The following GPR27 variants were observed in gnomAD, a reference collection of about 807,000 sequenced individuals.
The protein encoded by GPR27 is G protein-coupled receptor 27.
In GPR27, 3 loss-of-function variants were observed where a neutral mutation model predicts 2.4. The ratio of observed to expected loss-of-function variants is 1.23; its 90% confidence interval spans 0.56 to 3.18. The LOEUF (loss-of-function observed/expected upper bound fraction) is 3.18, where lower values mean the gene tolerates loss of function less well. GPR27 is among the 30% of genes most tolerant of loss of function. GPR27 has a pLI of 0.03. For missense variants in GPR27, 526 were observed against 566.1 expected (o/e 0.93, Z 0.72); for synonymous variants, 367 against 296.4 (o/e 1.24, Z -2.45).
Position 71,754,120 on chromosome 3 carries a change from C to G in GPR27, c.71C>G (p.Thr24Arg). 7.0e-7 allele frequency: 1 copy of G among 1,428,770 alleles called. No homozygotes were observed. Among genetic ancestry groups the G allele is most frequent in the South Asian group, 1.3e-5 (1 of 79,546 alleles). The allele number at this position is 1,428,770 out of a possible 1,614,324, so 88.5% of individuals were successfully genotyped here. Residue 24 changes from threonine to arginine, a missense_variant, in exon 1 of 1, where the codon ACG becomes AGG. Transcript: ENST00000304411. The surrounding 1 kb of genome is among the most constrained non-coding windows in gnomAD (Gnocchi z 5.8). ...GCCGCCCTGGGCCTCAAGCTGGCCACGCTCAGCCTGCTGCTGTGCGTGAGC... is the reference window on the plus strand; with the variant it reads ...GCCGCCCTGGGCCTCAAGCTGGCCAGGCTCAGCCTGCTGCTGTGCGTGAGC... ...EAAALGLKLATLSLLLCVSLA... is the reference protein window; with the variant it reads ...EAAALGLKLARLSLLLCVSLA...
rs1417759497 is a variant in GPR27, at chr3:71,754,512, G to T, written c.463G>T (p.Ala155Ser). 3.1e-6 allele frequency: 4 copies of T among 1,293,368 alleles called. No homozygotes were observed. In the African/African-American group the frequency reaches 6.2e-5, roughly 20 times the overall value. The allele number at this position is 1,293,368 out of a possible 1,614,324, so 80.1% of individuals were successfully genotyped here. The change falls in exon 1 of 1, where the codon GCC becomes TCC. Residue 155 changes from alanine to serine, a missense_variant. Physicochemically the swap from Ala to Ser is moderately conservative, Grantham distance 99. Around this residue, in one of 3 missense-constraint regions of GPR27, gnomAD observed 312 missense variants for 318.4 expected, o/e 0.98. Transcript: ENST00000304411. The surrounding 1 kb of genome is among the most constrained non-coding windows in gnomAD (Gnocchi z 5.8). ...CAAWALALAA[A>S]FPPVLDGGGD... ...CGCCTGGGCGCTGGCGCTGGCCGCG[G>T]CCTTCCCGCCAGTGCTGGACGGCGG... is the stretch of plus-strand genomic sequence containing the variant.
chr3:71,754,604 CT>C lies in GPR27; in HGVS notation c.557del (p.Phe186SerfsTer135). Reference protein sequence around the residue: ...RPDGAPGALGFLLLLAVVVGA... With the variant: ...RPDGAPGALGXLLLLAVVVGA... ...CCGACGGCGCCCCCGGCGCGCTGGG[CT>C]TCCTGCTGCTGCTGGCCGTGGTGGT... On this transcript the variant is annotated frameshift_variant, in exon 1 of 1. Coordinates refer to ENST00000304411, the MANE Select transcript of GPR27 (RefSeq NM_018971.3). LOFTEE classifies it low-confidence loss of function (END_TRUNC). This position sits in a 1 kb window ranked among gnomAD's most constrained non-coding sequence, Gnocchi z 5.8. 6.9e-7 allele frequency: 1 copy of C among 1,444,306 alleles called. No homozygotes were observed. The highest frequency in any genetic ancestry group is 9.1e-7 in the Non-Finnish European group (1 of 1,100,722). The allele number at this position is 1,444,306 out of a possible 1,614,324, so 89.5% of individuals were successfully genotyped here. A position where few individuals can be genotyped will look rare whatever the true frequency, so the allele number is the denominator to read the frequency against.
rs1676225789 is a variant in GPR27 at position 71,755,234 on chromosome 3, A to G, written c.*57A>G. ...GCCTTTCCCTTTGGCTCGGACGGTGACGTTGTATCTTTTCCTTCTGGCCCC... is the reference window on the plus strand; with the variant it reads ...GCCTTTCCCTTTGGCTCGGACGGTGGCGTTGTATCTTTTCCTTCTGGCCCC... On this transcript the variant is annotated 3_prime_UTR_variant, in exon 1 of 1. Transcript: ENST00000304411. 6 of 1,348,564 alleles carry G rather than the reference A, an allele frequency of 4.4e-6. No homozygotes were observed. Among genetic ancestry groups the G allele is most frequent in the African/African-American group, 1.5e-5 (1 of 68,662 alleles). 83.5% of individuals were successfully genotyped at this position (1,348,564 alleles called of 1,614,324 possible). A position where few individuals can be genotyped will look rare whatever the true frequency, so the allele number is the denominator to read the frequency against.
Position 71,755,471 on chromosome 3 carries a change from C to G in GPR27, c.*294C>G. On this transcript the variant is annotated 3_prime_UTR_variant, in exon 1 of 1. Coordinates refer to ENST00000304411, the MANE Select transcript of GPR27 (RefSeq NM_018971.3). ...ACGTCTTTTATTCCATGTGTGGTTC[C>G]TTTTTTTCTTTTTCTATAAAGGCTG... 2.8e-6 allele frequency: 1 copy of G among 363,520 alleles called. No individual in the cohort carries two copies. Among genetic ancestry groups the G allele is most frequent in the Non-Finnish European group, 5.0e-6 (1 of 201,760 alleles). 22.5% of individuals were successfully genotyped at this position (363,520 alleles called of 1,614,324 possible). A position where few individuals can be genotyped will look rare whatever the true frequency, so the allele number is the denominator to read the frequency against.
At position 71,755,524 on chromosome 3, in the gene GPR27, TAA is replaced by T. The variant is rs2049993712; in HGVS notation, c.*349_*350del. The T allele has an allele frequency of 1.3e-5, 3 of 227,740 alleles. No homozygotes were observed. The highest frequency in any genetic ancestry group is 2.6e-5 in the Non-Finnish European group (3 of 116,940). 14.1% of individuals were successfully genotyped at this position (227,740 alleles called of 1,614,324 possible). ...CTAATTTTCTTCATGCAACGTTTCC[TAA>T]AGACCATGGCCAGTTTTCTACAGAA... is the stretch of plus-strand genomic sequence containing the variant. On this transcript the variant is annotated 3_prime_UTR_variant, in exon 1 of 1. Coordinates refer to ENST00000304411, the MANE Select transcript of GPR27 (RefSeq NM_018971.3).
chr3:71,754,553 C>A lies in GPR27; in HGVS notation c.504C>A (p.Asp168Glu). The A allele has an allele frequency of 1.5e-6, 2 of 1,359,278 alleles. No homozygotes were observed. Among genetic ancestry groups the A allele is most frequent in the South Asian group, 1.6e-5 (1 of 61,428 alleles). The allele number at this position is 1,359,278 out of a possible 1,614,324, so 84.2% of individuals were successfully genotyped here. Residue 168 changes from aspartate to glutamate, a missense_variant, in exon 1 of 1, where the codon GAC (aspartate) becomes GAA (glutamate). Around this residue, in one of 3 missense-constraint regions of GPR27, gnomAD observed 312 missense variants for 318.4 expected, o/e 0.98. Transcript: ENST00000304411. The surrounding 1 kb of genome is among the most constrained non-coding windows in gnomAD (Gnocchi z 5.8). ...TGGACGGCGGTGGCGACGACGAGGA[C>A]GCGCCGTGCGCCCTGGAGCAGCGGC... Reference protein sequence around the residue: ...PVLDGGGDDEDAPCALEQRPD... With the variant: ...PVLDGGGDDEEAPCALEQRPD...
In GPR27 at chr3:71,754,182, C is replaced by G; in HGVS notation, c.133C>G (p.Arg45Gly). The change falls in exon 1 of 1, where the codon CGG (arginine) becomes GGG (glycine). Residue 45 changes from arginine to glycine, a missense_variant. By Grantham distance (125) the Arg-to-Gly change is moderately radical. Coordinates refer to ENST00000304411, the MANE Select transcript of GPR27 (RefSeq NM_018971.3). The surrounding 1 kb of genome is among the most constrained non-coding windows in gnomAD (Gnocchi z 5.8). Reference protein sequence around the residue: ...GNVLFALLIVRERSLHRAPYY... With the variant: ...GNVLFALLIVGERSLHRAPYY... ...CGTGCTGTTCGCGCTGCTGATCGTG[C>G]GGGAGCGCAGCCTGCACCGCGCCCC... 1 of 1,440,802 alleles carries G rather than the reference C, an allele frequency of 6.9e-7. No individual in the cohort carries two copies. Among genetic ancestry groups the G allele is most frequent in the Admixed American group, 2.0e-5 (1 of 48,896 alleles). The allele number at this position is 1,440,802 out of a possible 1,614,324, so 89.3% of individuals were successfully genotyped here.
Position 71,755,096 on chromosome 3 carries a change from C to G in GPR27, c.1047C>G (p.Phe349Leu), listed in dbSNP as rs144171996. 6.2e-7 allele frequency: 1 copy of G among 1,610,752 alleles called. No individual in the cohort carries two copies. The highest frequency in any genetic ancestry group is 8.5e-7 in the Non-Finnish European group (1 of 1,179,946). The change falls in exon 1 of 1, where the codon TTC becomes TTG. Residue 349 changes from phenylalanine to leucine, a missense_variant. Physicochemically the swap from Phe to Leu is conservative, Grantham distance 22. Around this residue, in one of 3 missense-constraint regions of GPR27, gnomAD observed 116 missense variants for 100.9 expected, o/e 1.15. Coordinates refer to ENST00000304411, the MANE Select transcript of GPR27 (RefSeq NM_018971.3). ...FLFNRELRDC[F>L]RAQFPCCQSP... is the part of the protein sequence containing the mutation. ...TCAACAGGGAGCTGAGGGACTGCTT[C>G]AGGGCCCAGTTCCCCTGCTGCCAGA...
chr3:71,755,239 G>GTATC lies in GPR27; in HGVS notation c.*64_*67dup, dbSNP rs1019954773. On this transcript the variant is annotated 3_prime_UTR_variant, in exon 1 of 1. Transcript: ENST00000304411. ...TCCCTTTGGCTCGGACGGTGACGTT[G>GTATC]TATCTTTTCCTTCTGGCCCCTGTTT... The GTATC allele has an allele frequency of 2.9e-5, 38 of 1,317,346 alleles. 1 individual carries two copies. In the Middle Eastern group the frequency reaches 9.4e-4, roughly 32 times the overall value. 81.6% of individuals were successfully genotyped at this position (1,317,346 alleles called of 1,614,324 possible).
Position 71,754,486 on chromosome 3 carries a change from C to A in GPR27, c.437C>A (p.Ala146Asp). The change falls in exon 1 of 1, where the codon GCC (alanine) becomes GAC (aspartate). Residue 146 changes from alanine (A) to aspartate (D), a missense_variant. By Grantham distance (126) the Ala-to-Asp change is moderately radical. Around this residue, in one of 3 missense-constraint regions of GPR27, gnomAD observed 312 missense variants for 318.4 expected, o/e 0.98. Coordinates refer to ENST00000304411, the MANE Select transcript of GPR27 (RefSeq NM_018971.3). The surrounding 1 kb of genome is among the most constrained non-coding windows in gnomAD (Gnocchi z 5.8). ...GWPCAAMLVC[A>D]AWALALAAAF... is the part of the protein sequence containing the mutation. ...CCGTGCGCCGCCATGCTGGTGTGCG[C>A]CGCCTGGGCGCTGGCGCTGGCCGCG... 1 of 1,298,996 alleles carries A rather than the reference C, an allele frequency of 7.7e-7. No individual in the cohort carries two copies. The highest frequency in any genetic ancestry group is 9.8e-7 in the Non-Finnish European group (1 of 1,023,276). The allele number at this position is 1,298,996 out of a possible 1,614,324, so 80.5% of individuals were successfully genotyped here.
In GPR27 at chr3:71,754,455, G is replaced by A. The variant is rs1253250467; in HGVS notation, c.406G>A (p.Gly136Ser). ...HHRFYAERLA[G>S]WPCAAMLVCA... ...CCGCTTCTATGCAGAGCGCCTGGCC[G>A]GCTGGCCGTGCGCCGCCATGCTGGT... Residue 136 changes from glycine to serine, a missense_variant, in exon 1 of 1, where the codon GGC (glycine) becomes AGC (serine). Gly to Ser is a moderately conservative substitution (Grantham distance 56). This residue lies in a region of GPR27 where 312 missense variants were observed against 318.4 expected (regional missense o/e 0.98). Transcript: ENST00000304411. This position sits in a 1 kb window ranked among gnomAD's most constrained non-coding sequence, Gnocchi z 5.8. The A allele has an allele frequency of 6.7e-6, 9 of 1,335,794 alleles. No homozygotes were observed. The East Asian group carries it at 1.3e-4, about 20-fold the overall frequency. The allele number at this position is 1,335,794 out of a possible 1,614,324, so 82.7% of individuals were successfully genotyped here.
rs749586912 is a variant in GPR27, at chr3:71,754,975, T to C, written c.926T>C (p.Leu309Pro). The C allele has an allele frequency of 1.9e-6, 3 of 1,613,042 alleles. No individual in the cohort carries two copies. Among genetic ancestry groups the C allele is most frequent in the Non-Finnish European group, 2.5e-6 (3 of 1,179,812 alleles). ...GTCGTGGCCAGCTACCTGCGGGTCCTGGTGCGGCCCGGCGCCGTCCCCCAG... is the reference window on the plus strand; with the variant it reads ...GTCGTGGCCAGCTACCTGCGGGTCCCGGTGCGGCCCGGCGCCGTCCCCCAG... ...PYVVASYLRVLVRPGAVPQAY... is the reference protein window; with the variant it reads ...PYVVASYLRVPVRPGAVPQAY... Residue 309 changes from leucine to proline, a missense_variant, in exon 1 of 1, where the codon CTG becomes CCG. By Grantham distance (98) the Leu-to-Pro change is moderately conservative. Around this residue, in one of 3 missense-constraint regions of GPR27, gnomAD observed 116 missense variants for 100.9 expected, o/e 1.15. Transcript: ENST00000304411. This position sits in a 1 kb window ranked among gnomAD's most constrained non-coding sequence, Gnocchi z 5.8.
In GPR27 at chr3:71,754,033, G is replaced by T. The variant is rs1489180916; in HGVS notation, c.-17G>T. On this transcript the variant is annotated 5_prime_UTR_variant, in exon 1 of 1. Coordinates refer to ENST00000304411, the MANE Select transcript of GPR27 (RefSeq NM_018971.3). This position sits in a 1 kb window ranked among gnomAD's most constrained non-coding sequence, Gnocchi z 5.8. The stretch of plus-strand genomic sequence containing the variant: ...GGGACGGCCCCGGGGCGGAGCGCAC[G>T]GCCTGGTGAGGCCGCGATGGCGAAC... 7 of 1,185,936 alleles carry T rather than the reference G, an allele frequency of 5.9e-6. No individual in the cohort carries two copies. In the African/African-American group the frequency reaches 1.2e-4, roughly 20 times the overall value. 73.5% of individuals were successfully genotyped at this position (1,185,936 alleles called of 1,614,324 possible).
chr3:71,754,370 C>T lies in GPR27; in HGVS notation c.321C>T (p.Phe107=), dbSNP rs1473010137. 7.5e-7 allele frequency: 1 copy of T among 1,330,640 alleles called. No homozygotes were observed. Among genetic ancestry groups the T allele is most frequent in the Admixed American group, 2.6e-5 (1 of 37,948 alleles). The allele number at this position is 1,330,640 out of a possible 1,614,324, so 82.4% of individuals were successfully genotyped here. A position where few individuals can be genotyped will look rare whatever the true frequency, so the allele number is the denominator to read the frequency against. ...CCTTCCTGGCCGCGCTCTTCTGCTT[C>T]CACGCCGCCTTCCTGCTGCTGGGCG... is the stretch of plus-strand genomic sequence containing the variant. The part of the protein sequence containing the change: ...LLAFLAALFC[F]HAAFLLLGVG... The change falls in exon 1 of 1, where the codon TTC becomes TTT. Residue 107 remains phenylalanine (F), a synonymous_variant. Transcript: ENST00000304411. This position sits in a 1 kb window ranked among gnomAD's most constrained non-coding sequence, Gnocchi z 5.8.
At position 71,754,748 on chromosome 3, in the gene GPR27, C is replaced by T; in HGVS notation, c.699C>T (p.Gly233=). ...VSHDWTFHGP[G]ATGQAAANWT... is the part of the protein sequence containing the mutation. Reference sequence around the variant, plus strand: ...ACGACTGGACCTTCCACGGCCCGGGCGCCACCGGCCAGGCGGCCGCCAACT... The same window carrying T: ...ACGACTGGACCTTCCACGGCCCGGGTGCCACCGGCCAGGCGGCCGCCAACT... The change falls in exon 1 of 1, where the codon GGC becomes GGT. Residue 233 remains glycine (G), a synonymous_variant. Coordinates refer to ENST00000304411, the MANE Select transcript of GPR27 (RefSeq NM_018971.3). The surrounding 1 kb of genome is among the most constrained non-coding windows in gnomAD (Gnocchi z 5.8). The T allele has an allele frequency of 1.5e-6, 2 of 1,373,332 alleles. No homozygotes were observed. Among genetic ancestry groups the T allele is most frequent in the Non-Finnish European group, 9.5e-7 (1 of 1,056,040 alleles). 85.1% of individuals were successfully genotyped at this position (1,373,332 alleles called of 1,614,324 possible). A position where few individuals can be genotyped will look rare whatever the true frequency, so the allele number is the denominator to read the frequency against.
rs1406850335 is a variant in GPR27 at position 71,755,477 on chromosome 3, T to C, written c.*300T>C. On this transcript the variant is annotated 3_prime_UTR_variant, in exon 1 of 1. Transcript: ENST00000304411. The stretch of plus-strand genomic sequence containing the variant: ...TTTATTCCATGTGTGGTTCCTTTTT[T>C]TCTTTTTCTATAAAGGCTGTACTAA... 3 of 355,808 alleles carry C rather than the reference T, an allele frequency of 8.4e-6. No homozygotes were observed. Among genetic ancestry groups the C allele is most frequent in the African/African-American group, 4.2e-5 (2 of 47,766 alleles). 22.0% of individuals were successfully genotyped at this position (355,808 alleles called of 1,614,324 possible). A position where few individuals can be genotyped will look rare whatever the true frequency, so the allele number is the denominator to read the frequency against.
rs930956113 is a variant in GPR27 at position 71,753,885 on chromosome 3, C to G, written c.-165C>G. 6.7e-6 allele frequency among the ~76,000 whole-genome samples: 1 copy of G among 148,638 alleles called. No individual in the cohort carries two copies. Among genetic ancestry groups the G allele is most frequent in the Non-Finnish European group, 1.5e-5 (1 of 66,578 alleles). On this transcript the variant is annotated 5_prime_UTR_variant, in exon 1 of 1. Coordinates refer to ENST00000304411, the MANE Select transcript of GPR27 (RefSeq NM_018971.3). ...TGAGATGGCGGCGGCGGCACAGCGGCGGCTCGGGGAGCCCAGGAGGGGCCG... is the reference window on the plus strand; with the variant it reads ...TGAGATGGCGGCGGCGGCACAGCGGGGGCTCGGGGAGCCCAGGAGGGGCCG...
chr3:71,755,316 G>A lies in GPR27; in HGVS notation c.*139G>A. ...CTCGAAGTGGACAGACACTTGGATT[G>A]TACTGACTCCTTTGGGGGTGGGGTG... is the stretch of plus-strand genomic sequence containing the variant. On this transcript the variant is annotated 3_prime_UTR_variant, in exon 1 of 1. Coordinates refer to ENST00000304411, the MANE Select transcript of GPR27 (RefSeq NM_018971.3). The A allele has an allele frequency of 2.7e-6, 2 of 728,402 alleles. No homozygotes were observed. The highest frequency in any genetic ancestry group is 4.4e-6 in the Non-Finnish European group (2 of 453,224). 45.1% of individuals were successfully genotyped at this position (728,402 alleles called of 1,614,324 possible).
At position 71,754,796 on chromosome 3, in the gene GPR27, G is replaced by T; in HGVS notation, c.747G>T (p.Gly249=). The change falls in exon 1 of 1, where the codon GGG becomes GGT. Residue 249 remains glycine, a synonymous_variant. Coordinates refer to ENST00000304411, the MANE Select transcript of GPR27 (RefSeq NM_018971.3). This position sits in a 1 kb window ranked among gnomAD's most constrained non-coding sequence, Gnocchi z 5.8. Reference sequence around the variant, plus strand: ...ACTGGACGGCGGGCTTCGGCCGCGGGCCCACGCCGCCCGCGCTTGTGGGCA... The same window carrying T: ...ACTGGACGGCGGGCTTCGGCCGCGGTCCCACGCCGCCCGCGCTTGTGGGCA... ...AANWTAGFGR[G]PTPPALVGIR... 1 of 1,345,726 alleles carries T rather than the reference G, an allele frequency of 7.4e-7. No homozygotes were observed. Among genetic ancestry groups the T allele is most frequent in the South Asian group, 1.8e-5 (1 of 56,064 alleles). The allele number at this position is 1,345,726 out of a possible 1,614,324, so 83.4% of individuals were successfully genotyped here.
Sources: gnomAD v4.1 joint callset for allele counts (sites outside exome capture counted in the v4.1 genomes callset) on GRCh38, gnomAD v4.1.1 for gene constraint, gnomAD v4.1.1 regional missense constraint, Gnocchi (gnomAD v3.1) non-coding constraint, MANE v1.5 for transcripts, NCBI Gene and HGNC (gene_info 2026-07-23, HGNC 2026-07-21) for gene names.